ACAN: variants seen among roughly 807,000 people sequenced by gnomAD.
The protein encoded by ACAN is aggrecan core protein.
In ACAN, 47 loss-of-function variants were observed where a neutral mutation model predicts 169.1. The observed-to-expected ratio is 0.28, with a 90% confidence interval of 0.22 to 0.35. ACAN has a LOEUF of 0.35. ACAN is among the 10% of genes least tolerant of loss of function. The pLI is 1.00. For synonymous variants in ACAN, 1,115 were observed against 1,112.2 expected (o/e 1.00, Z -0.05); for missense variants, 2,716 against 2,759.9 (o/e 0.98, Z 0.36).
chr15:88,858,138 G>A lies in ACAN; in HGVS notation c.5553G>A (p.Gly1851=), dbSNP rs756343851. ...CATTTAAAGAAGAAGAAGGCTTAGG[G>A]TCTGTGGAACTCAGTGGCCTCCCTT... ...PTTFKEEEGL[G]SVELSGLPSG... is the part of the protein sequence containing the mutation. The change falls in exon 12 of 19, where the codon GGG becomes GGA. Residue 1851 remains glycine, a synonymous_variant. Coordinates refer to ENST00000560601, the MANE Select transcript of ACAN (RefSeq NM_001369268.1). The surrounding 1 kb of genome is among the most constrained non-coding windows in gnomAD (Gnocchi z 4.0). The A allele has an allele frequency of 6.2e-7, 1 of 1,613,826 alleles. No individual in the cohort carries two copies. The highest frequency in any genetic ancestry group is 8.5e-7 in the Non-Finnish European group (1 of 1,179,886).
chr15:88,837,996 G>A (rs1896548948), intron 2 of ACAN, among the ~76,000 whole-genome samples: 1 of 136,314 alleles, frequency 7.3e-6, no homozygotes, highest in African/African-American at 2.8e-5. Context: ...CTCCTCTATT[G>A]ACACTCTCCA....
Position 88,851,741 on chromosome 15 carries a change from G to A in ACAN, c.2027-53G>A. The A allele has an allele frequency of 1.3e-6, 2 of 1,507,130 alleles. No homozygotes were observed. The highest frequency in any genetic ancestry group is 1.8e-6 in the Non-Finnish European group (2 of 1,123,140). 93.4% of individuals were successfully genotyped at this position (1,507,130 alleles called of 1,614,324 possible). ...CTCCCCTCAAGAAGGGCCAGCCAAGGACGGGTCACTGGTAAGAGAGGGACT... is the reference window on the plus strand; with the variant it reads ...CTCCCCTCAAGAAGGGCCAGCCAAGAACGGGTCACTGGTAAGAGAGGGACT... On this transcript the variant is annotated intron_variant, in intron 10 of 18. Transcript: ENST00000560601. This position sits in a 1 kb window ranked among gnomAD's most constrained non-coding sequence, Gnocchi z 4.3.
intron 1 of ACAN, among the ~76,000 whole-genome samples, chr15:88,822,404 A>C (rs955401129): frequency 2.6e-5 from 4 of 152,190 alleles, no homozygotes; most frequent in Admixed American, 1.3e-4. Context: ...ACTATTTCCT[A>C]AGAACTGTGT....
In ACAN at chr15:88,838,871, C is replaced by T. The variant is rs754145054; in HGVS notation, c.279C>T (p.Arg93=). Residue 93 remains arginine, a synonymous_variant, in exon 3 of 19, where the codon CGC becomes CGT. Coordinates refer to ENST00000560601, the MANE Select transcript of ACAN (RefSeq NM_001369268.1). The surrounding 1 kb of genome is among the most constrained non-coding windows in gnomAD (Gnocchi z 5.1). ...EVVLLVATEG[R]VRVNSAYQDK... ...TGCTGCTGGTGGCCACTGAAGGGCGCGTGCGGGTCAACAGTGCCTATCAGG... is the reference window on the plus strand; with the variant it reads ...TGCTGCTGGTGGCCACTGAAGGGCGTGTGCGGGTCAACAGTGCCTATCAGG... The T allele has an allele frequency of 1.1e-5, 18 of 1,613,932 alleles. No homozygotes were observed. Among genetic ancestry groups the T allele is most frequent in the Admixed American group, 8.3e-5 (5 of 60,012 alleles).
rs750489449 is a variant in ACAN, at chr15:88,855,348, G to A, written c.2763G>A (p.Gly921=). 1 of 1,612,634 alleles carries A rather than the reference G, an allele frequency of 6.2e-7. No individual in the cohort carries two copies. The highest frequency in any genetic ancestry group is 8.5e-7 in the Non-Finnish European group (1 of 1,179,068). ...CTGTGGAAAGTGGACTACCCTCAGG[G>A]GATGAAGAGAGAATTGAGTGGCCCA... ...GLPVESGLPS[G]DEERIEWPST... The change falls in exon 12 of 19, where the codon GGG becomes GGA. Residue 921 remains glycine (G), a synonymous_variant. Transcript: ENST00000560601.
chr15:88,859,148 C>T lies in ACAN; in HGVS notation c.6563C>T (p.Thr2188Ile). 1 of 1,613,872 alleles carries T rather than the reference C, an allele frequency of 6.2e-7. No homozygotes were observed. The highest frequency in any genetic ancestry group is 8.5e-7 in the Non-Finnish European group (1 of 1,179,904). The change falls in exon 12 of 19, where the codon ACT becomes ATT. Residue 2188 changes from threonine (T) to isoleucine (I), a missense_variant. Physicochemically the swap from Thr to Ile is moderately conservative, Grantham distance 89 (BLOSUM62 -1). This residue lies in a region of ACAN where 1,389 missense variants were observed against 1,363.7 expected (regional missense o/e 1.02). Coordinates refer to ENST00000560601, the MANE Select transcript of ACAN (RefSeq NM_001369268.1). ...GTEAPGLPSATPTASGDRTEI... is the reference protein window; with the variant it reads ...GTEAPGLPSAIPTASGDRTEI... ...GAGGCACCAGGCTTGCCTTCAGCCA[C>T]TCCCACGGCTTCTGGAGACAGGACT... is the stretch of plus-strand genomic sequence containing the variant.
In ACAN at chr15:88,855,231, C is replaced by T; in HGVS notation, c.2646C>T (p.Phe882=). Reference sequence around the variant, plus strand: ...GAGATGTTTCAGGACACCTTGACTTCAGTGGGCAGCTGTCAGGGGACAGGG... The same window carrying T: ...GAGATGTTTCAGGACACCTTGACTTTAGTGGGCAGCTGTCAGGGGACAGGG... ...GSGDVSGHLD[F]SGQLSGDRAS... is the part of the protein sequence containing the mutation. The change falls in exon 12 of 19, where the codon TTC becomes TTT. Residue 882 remains phenylalanine, a synonymous_variant. Coordinates refer to ENST00000560601, the MANE Select transcript of ACAN (RefSeq NM_001369268.1). The T allele has an allele frequency of 1.9e-6, 3 of 1,604,444 alleles. No homozygotes were observed. The highest frequency in any genetic ancestry group is 2.6e-6 in the Non-Finnish European group (3 of 1,172,602).
rs772738227 is a variant in ACAN at position 88,858,961 on chromosome 15, T to C, written c.6376T>C (p.Ser2126Pro). The C allele has an allele frequency of 5.0e-6, 8 of 1,612,074 alleles. No homozygotes were observed. In the African/African-American group the frequency reaches 9.3e-5, roughly 19 times the overall value. ...TGAGGCCAGCAGAGAAGATTCTGGG[T>C]CCCCTGATCTGAGTGAAACCACCTC... ...APEASREDSG[S>P]PDLSETTSAF... Residue 2126 changes from serine to proline, a missense_variant, in exon 12 of 19, where the codon TCC (serine) becomes CCC (proline). This residue lies in a region of ACAN where 1,389 missense variants were observed against 1,363.7 expected (regional missense o/e 1.02). Coordinates refer to ENST00000560601, the MANE Select transcript of ACAN (RefSeq NM_001369268.1). The surrounding 1 kb of genome is among the most constrained non-coding windows in gnomAD (Gnocchi z 4.0).
At position 88,841,788 on chromosome 15, in the gene ACAN, G is replaced by A. The variant is rs894578695; in HGVS notation, c.678G>A (p.Glu226=). ...PREGCYGDKD[E]FPGVRTYGIR... ...AAGGCTGCTATGGAGACAAGGATGAGTTTCCTGGTGTGAGGACGTATGGCA... is the reference window on the plus strand; with the variant it reads ...AAGGCTGCTATGGAGACAAGGATGAATTTCCTGGTGTGAGGACGTATGGCA... The change falls in exon 5 of 19, where the codon GAG becomes GAA. Residue 226 remains glutamate, a synonymous_variant. Coordinates refer to ENST00000560601, the MANE Select transcript of ACAN (RefSeq NM_001369268.1). 11 of 1,613,508 alleles carry A rather than the reference G, an allele frequency of 6.8e-6. No homozygotes were observed. The highest frequency in any genetic ancestry group is 8.5e-6 in the Non-Finnish European group (10 of 1,179,818).
chr15:88,825,090 G>T (rs1490234025), intron 1 of ACAN, among the ~76,000 whole-genome samples: 3 of 152,142 alleles, frequency 2.0e-5, no homozygotes, highest in African/African-American at 7.2e-5. Context: ...TGTGGTCAAG[G>T]CACAGCTAGA....
chr15:88,837,864 G>A (rs1896543488), intron 2 of ACAN, among the ~76,000 whole-genome samples: 1 of 145,620 alleles, frequency 6.9e-6, no homozygotes, highest in South Asian at 2.2e-4. Context: ...TTTCATAAAT[G>A]TATGAGTCTC....
In ACAN at chr15:88,847,407, C is replaced by G. The variant is rs1896822391; in HGVS notation, c.1594C>G (p.Gln532Glu). Residue 532 changes from glutamine (Q) to glutamate (E), a missense_variant, in exon 8 of 19, where the codon CAG becomes GAG. Coordinates refer to ENST00000560601, the MANE Select transcript of ACAN (RefSeq NM_001369268.1). The stretch of plus-strand genomic sequence containing the variant: ...GTGTGACGCCGGCTGGCTGCGGGAC[C>G]AGACCGTCAGGTGAAGCCATGCTCC... The part of the protein sequence containing the change: ...EQCDAGWLRD[Q>E]TVRYPIVSPR... 1 of 1,575,336 alleles carries G rather than the reference C, an allele frequency of 6.3e-7. No homozygotes were observed. The highest frequency in any genetic ancestry group is 1.3e-5 in the African/African-American group (1 of 74,198).
chr15:88,848,215 C>T (rs888673522), intron 9 of ACAN, among the ~76,000 whole-genome samples, 177 bp downstream of exon 9: 1 of 152,174 alleles, frequency 6.6e-6, no homozygotes, highest in African/African-American at 2.4e-5. Flanking sequence ...TCCCTCAGAT[C>T]TAGTGCCTGC....
Position 88,869,380 on chromosome 15 carries a change from T to G in ACAN, c.7060+1051T>G, listed in dbSNP as rs1194435303. ...GAGGTAGTTTTGGGTTTCATATTCC[T>G]TTGAGGCACTGCCAAGGTTACAGAC... On this transcript the variant is annotated intron_variant, in intron 14 of 18. Coordinates refer to ENST00000560601, the MANE Select transcript of ACAN (RefSeq NM_001369268.1). The surrounding 1 kb of genome is among the most constrained non-coding windows in gnomAD (Gnocchi z 4.2). 6.6e-6 allele frequency among the ~76,000 whole-genome samples: 1 copy of G among 152,128 alleles called. No homozygotes were observed. Among genetic ancestry groups the G allele is most frequent in the Non-Finnish European group, 1.5e-5 (1 of 68,024 alleles).
intron 1 of ACAN, 127 bp from the exon 2 acceptor site, chr15:88,836,073 C>G: frequency 1.5e-6 from 1 of 654,898 alleles, no homozygotes; most frequent in South Asian, 2.0e-5. Flanking sequence ...CGTGCAGCCT[C>G]CTTCTCTGGA....
At position 88,858,471 on chromosome 15, in the gene ACAN, A is replaced by G; in HGVS notation, c.5886A>G (p.Leu1962=). Residue 1962 remains leucine, a synonymous_variant, in exon 12 of 19, where the codon TTA becomes TTG. Coordinates refer to ENST00000560601, the MANE Select transcript of ACAN (RefSeq NM_001369268.1). This position sits in a 1 kb window ranked among gnomAD's most constrained non-coding sequence, Gnocchi z 4.0. ...CAGGAGAAGGGCCTTCTGGCATTTT[A>G]GAACTCAGTGGTGCTCATTCTGGAG... ...QEAGEGPSGI[L]ELSGAHSGAP... The G allele has an allele frequency of 1.2e-6, 2 of 1,613,718 alleles. No individual in the cohort carries two copies. Among genetic ancestry groups the G allele is most frequent in the Middle Eastern group, 1.7e-4 (1 of 6,060 alleles).
chr15:88,873,088 G>T lies in ACAN; in HGVS notation c.7447+63G>T. The T allele has an allele frequency of 1.9e-6, 3 of 1,562,700 alleles. No homozygotes were observed. The highest frequency in any genetic ancestry group is 2.6e-6 in the Non-Finnish European group (3 of 1,151,870). Reference sequence around the variant, plus strand: ...ATCAAGACCTCCAGCTACAGGTGAGGCTCTTGCTGTGTGGCCTGGGGTGAG... The same window carrying T: ...ATCAAGACCTCCAGCTACAGGTGAGTCTCTTGCTGTGTGGCCTGGGGTGAG... On this transcript the variant is annotated intron_variant, in intron 17 of 18. Transcript: ENST00000560601. The surrounding 1 kb of genome is among the most constrained non-coding windows in gnomAD (Gnocchi z 7.5).
At chr15:88,852,072 G>T (rs1896945283) in intron 11 of ACAN, 39 bp downstream of exon 11, 1 of 1,557,434 alleles carries the variant, frequency 6.4e-7, no homozygotes, top group Non-Finnish European at 8.7e-7. Flanking sequence ...CCCTGAAGCT[G>T]CATACCCCTG....
chr15:88,860,492 C>A (rs1328027751), intron 13 of ACAN, 53 bp downstream of exon 13: 1 of 1,514,934 alleles, frequency 6.6e-7, no homozygotes, highest in Non-Finnish European at 9.1e-7. Context: ...GGACAGACTT[C>A]TTCATCCCCC....
Sources: gnomAD v4.1 joint callset for allele counts (sites outside exome capture counted in the v4.1 genomes callset) on GRCh38, gnomAD v4.1.1 for gene constraint, gnomAD v4.1.1 regional missense constraint, Gnocchi (gnomAD v3.1) non-coding constraint, MANE v1.5 for transcripts, NCBI Gene and HGNC (gene_info 2026-07-23, HGNC 2026-07-21) for gene names.